Variants in IL17D observed in about 807,000 individuals in gnomAD.
The protein encoded by IL17D is interleukin-17D.
In IL17D, 10 loss-of-function variants were observed where a neutral mutation model predicts 5.7. The observed-to-expected ratio is 1.75, with a 90% CI of 1.08 to 2.97. The LOEUF is 2.97. Among genes scored for constraint, IL17D ranks in the 30% most tolerant of loss-of-function variants. The pLI is 0.00. For missense variants in IL17D, 354 were observed against 292.7 expected (o/e 1.21, Z -1.53); for synonymous variants, 172 against 141.7 (o/e 1.21, Z -1.52).
At chr13:20,706,502 C>G (rs1446846749) in intron 1 of IL17D, among the ~76,000 whole-genome samples, 1 of 152,252 alleles carries the variant, frequency 6.6e-6, no homozygotes, top group Non-Finnish European at 1.5e-5. Context: ...AAAGGCATGT[C>G]TCTCATGTTT....
At chr13:20,712,472 C>T (rs2058646605) in intron 1 of IL17D, 1 of 152,270 alleles carries the variant, frequency 6.6e-6, no homozygotes, top group Admixed American at 6.5e-5. Context: ...ACCTGTAATC[C>T]CAGCTACTCA....
chr13:20,717,172 C>A (rs1388957820), intron 1 of IL17D: 2 of 152,280 alleles, frequency 1.3e-5, no homozygotes, highest in Non-Finnish European at 2.9e-5. Context: ...CCACCTGTCA[C>A]TCGCTCAAGC....
At position 20,722,366 on chromosome 13, in the gene IL17D, A is replaced by G. The variant is rs1054530709; in HGVS notation, c.*412A>G. On this transcript the variant is annotated 3_prime_UTR_variant, in exon 2 of 2. Transcript: ENST00000682841. ...AAGCAATCTAAAAATAATAATAAGT[A>G]TAGCGACTATATACCTACTTTTAAA... The G allele has an allele frequency of 1.2e-5, 2 of 172,206 alleles. No homozygotes were observed. Among genetic ancestry groups the G allele is most frequent in the African/African-American group, 4.7e-5 (2 of 42,130 alleles). The allele number at this position is 172,206 out of a possible 1,614,324, so 10.7% of individuals were successfully genotyped here.
chr13:20,718,748 C>T (rs1595002432), intron 1 of IL17D, among the ~76,000 whole-genome samples: 1 of 126,936 alleles, frequency 7.9e-6, no homozygotes, highest in Non-Finnish European at 1.6e-5. Flanking sequence ...TCACACACAC[C>T]TGCCTGTGCT....
upstream of IL17D, chr13:20,702,589 TG>T (rs1460975531): frequency 6.6e-6 from 1 of 152,280 alleles, no homozygotes; most frequent in Non-Finnish European, 1.5e-5. Context: ...TCTTGTGTTA[TG>T]AAGTATATAA....
chr13:20,716,040 C>A lies in IL17D; in HGVS notation c.291-5596C>A. Reference sequence around the variant, plus strand: ...ATGAGCCACCGCGCCCGGCCAGAATCGACACTTTTAACAGGAGTCCCATAT... The same window carrying A: ...ATGAGCCACCGCGCCCGGCCAGAATAGACACTTTTAACAGGAGTCCCATAT... On this transcript the variant is annotated intron_variant, in intron 1 of 1. Coordinates refer to ENST00000682841, the MANE Select transcript of IL17D (RefSeq NM_001385224.1). The surrounding 1 kb of genome is among the most constrained non-coding windows in gnomAD (Gnocchi z 4.2). 1 of 979,336 alleles carries A rather than the reference C, an allele frequency of 1.0e-6. No individual in the cohort carries two copies. Among genetic ancestry groups the A allele is most frequent in the African/African-American group, 1.7e-5 (1 of 57,216 alleles). 60.7% of individuals were successfully genotyped at this position (979,336 alleles called of 1,614,324 possible).
Position 20,704,158 on chromosome 13 carries a change from G to A in IL17D, c.157G>A (p.Ala53Thr), listed in dbSNP as rs904098138. The A allele has an allele frequency of 2.9e-6, 4 of 1,370,428 alleles. No individual in the cohort carries two copies. Among genetic ancestry groups the A allele is most frequent in the African/African-American group, 3.1e-5 (2 of 65,132 alleles). 84.9% of individuals were successfully genotyped at this position (1,370,428 alleles called of 1,614,324 possible). A position where few individuals can be genotyped will look rare whatever the true frequency, so the allele number is the denominator to read the frequency against. Reference protein sequence around the residue: ...YGRLAAGVLSAFHHTLQLGPR... With the variant: ...YGRLAAGVLSTFHHTLQLGPR... ...GCGCCTGGCGGCCGGCGTGCTCAGT[G>A]CCTTCCACCACACGCTGCAGCTGGG... is the stretch of plus-strand genomic sequence containing the variant. Residue 53 changes from alanine (A) to threonine (T), a missense_variant, in exon 1 of 2, where the codon GCC (alanine) becomes ACC (threonine). By Grantham distance (58) the Ala-to-Thr change is moderately conservative. Transcript: ENST00000682841.
At chr13:20,705,743 G>A (rs2058587237) in intron 1 of IL17D, among the ~76,000 whole-genome samples, 1 of 152,146 alleles carries the variant, frequency 6.6e-6, no homozygotes, top group Non-Finnish European at 1.5e-5. Flanking sequence ...TTGAGATGGA[G>A]GAAGCCATAC....
chr13:20,719,615 C>T (rs761679771), intron 1 of IL17D, among the ~76,000 whole-genome samples: 1 of 152,230 alleles, frequency 6.6e-6, no homozygotes, highest in Non-Finnish European at 1.5e-5. Flanking sequence ...GAAATTAGGA[C>T]GAGTTCCCAT....
Position 20,704,023 on chromosome 13 carries a change from C to T in IL17D, c.22C>T (p.Leu8=). The T allele has an allele frequency of 1.9e-6, 2 of 1,029,260 alleles. No homozygotes were observed. Among genetic ancestry groups the T allele is most frequent in the Non-Finnish European group, 2.3e-6 (2 of 862,098 alleles). 63.8% of individuals were successfully genotyped at this position (1,029,260 alleles called of 1,614,324 possible). MLVAGFL[L]ALPPSWAAGA... ...CTGGATGCTGGTAGCCGGCTTCCTG[C>T]TGGCGCTGCCGCCGAGCTGGGCCGC... is the stretch of plus-strand genomic sequence containing the variant. The change falls in exon 1 of 2, where the codon CTG becomes TTG. Residue 8 remains leucine (L), a synonymous_variant. Coordinates refer to ENST00000682841, the MANE Select transcript of IL17D (RefSeq NM_001385224.1).
rs6783 is a variant in IL17D at position 20,722,911 on chromosome 13, T to G, written c.*957T>G. The G allele has an allele frequency of 2.6e-5, 4 of 151,960 alleles. No individual in the cohort carries two copies. Among genetic ancestry groups the G allele is most frequent in the South Asian group, 2.1e-4 (1 of 4,826 alleles). The allele number at this position is 151,960 out of a possible 1,614,324, so 9.4% of individuals were successfully genotyped here. On this transcript the variant is annotated 3_prime_UTR_variant, in exon 2 of 2. Transcript: ENST00000682841. ...AGTTGTAAGGGCTTTAGGATCAGGC[T>G]GAATATGAGGACAAAGTGGGCCACG...
rs780791683 is a variant in IL17D at position 20,722,768 on chromosome 13, A to T, written c.*814A>T. On this transcript the variant is annotated 3_prime_UTR_variant, in exon 2 of 2. Transcript: ENST00000682841. Reference sequence around the variant, plus strand: ...TACATAAACAGTCTCAAACTCGCACAATTTTTTCCCCCTTTTGAAAGCCAC... The same window carrying T: ...TACATAAACAGTCTCAAACTCGCACTATTTTTTCCCCCTTTTGAAAGCCAC... 1.3e-5 allele frequency: 2 copies of T among 152,168 alleles called. No individual in the cohort carries two copies. The highest frequency in any genetic ancestry group is 2.9e-5 in the Non-Finnish European group (2 of 68,036). 9.4% of individuals were successfully genotyped at this position (152,168 alleles called of 1,614,324 possible). A position where few individuals can be genotyped will look rare whatever the true frequency, so the allele number is the denominator to read the frequency against.
At chr13:20,704,562 C>T (rs1174378646) in intron 1 of IL17D, among the ~76,000 whole-genome samples, 1 of 144,740 alleles carries the variant, frequency 6.9e-6, no homozygotes, top group Non-Finnish European at 1.5e-5. Flanking sequence ...TGGGGCGGGG[C>T]AGTTGGAGCA....
At chr13:20,705,963 C>T (rs1203200190) in intron 1 of IL17D, among the ~76,000 whole-genome samples, 1 of 152,208 alleles carries the variant, frequency 6.6e-6, no homozygotes, top group African/African-American at 2.4e-5. Flanking sequence ...TCTGGGCTTT[C>T]CTGGAGCCTC....
chr13:20,710,628 TAAAAAAAAAAAA>T (rs11445353), intron 1 of IL17D, among the ~76,000 whole-genome samples: 2 of 55,266 alleles, frequency 3.6e-5, no homozygotes, highest in South Asian at 1.0e-3. Flanking sequence ...AAACTCTGTC[TAAAAAAAAAAAA>T]AAAAAAAAAA....
rs1042405563 is a variant in IL17D at position 20,705,801 on chromosome 13, A to G, written c.290+1510A>G. Among the ~76,000 whole-genome samples, 3 of 152,216 alleles carry G rather than the reference A, an allele frequency of 2.0e-5. No homozygotes were observed. The South Asian group carries it at 6.2e-4, about 31-fold the overall frequency. On this transcript the variant is annotated intron_variant, in intron 1 of 1. Coordinates refer to ENST00000682841, the MANE Select transcript of IL17D (RefSeq NM_001385224.1). The stretch of plus-strand genomic sequence containing the variant: ...GTCCCAATGGGGCATGGATTGGACA[A>G]TGCTCTCCAGCACTTCCATCCAAAG...
rs1206029897 is a variant in IL17D, at chr13:20,704,194, C to T, written c.193C>T (p.Gln65Ter). ...CACGCTGCAGCTGGGGCCGCGTGAGCAGGCGCGCAACGCGAGCTGCCCGGC... is the reference window on the plus strand; with the variant it reads ...CACGCTGCAGCTGGGGCCGCGTGAGTAGGCGCGCAACGCGAGCTGCCCGGC... ...HHTLQLGPREQARNASCPAGG... is the reference protein window; with the variant it reads ...HHTLQLGPRE Residue 65 changes from glutamine to a stop codon, truncating the protein, a stop_gained, in exon 1 of 2, where the codon CAG becomes TAG. Transcript: ENST00000682841. LOFTEE classifies it high-confidence loss of function. 1.2e-5 allele frequency: 17 copies of T among 1,372,302 alleles called. No individual in the cohort carries two copies. Among genetic ancestry groups the T allele is most frequent in the Non-Finnish European group, 1.5e-5 (16 of 1,057,236 alleles). 85.0% of individuals were successfully genotyped at this position (1,372,302 alleles called of 1,614,324 possible). A position where few individuals can be genotyped will look rare whatever the true frequency, so the allele number is the denominator to read the frequency against.
intron 1 of IL17D, among the ~76,000 whole-genome samples, chr13:20,707,583 C>T (rs41359249): frequency 0.015 from 2,267 of 152,084 alleles, 57 homozygotes; most frequent in African/African-American, 0.051. Context: ...AGTGCAGTGA[C>T]ACAGACAGAT....
At position 20,716,040 on chromosome 13, in the gene IL17D, C is replaced by T. The variant is rs933470957; in HGVS notation, c.291-5596C>T. ...ATGAGCCACCGCGCCCGGCCAGAAT[C>T]GACACTTTTAACAGGAGTCCCATAT... On this transcript the variant is annotated intron_variant, in intron 1 of 1. Coordinates refer to ENST00000682841, the MANE Select transcript of IL17D (RefSeq NM_001385224.1). This position sits in a 1 kb window ranked among gnomAD's most constrained non-coding sequence, Gnocchi z 4.2. 4.1e-6 allele frequency: 4 copies of T among 979,338 alleles called. No individual in the cohort carries two copies. Among genetic ancestry groups the T allele is most frequent in the Non-Finnish European group, 3.6e-6 (3 of 824,360 alleles). The allele number at this position is 979,338 out of a possible 1,614,324, so 60.7% of individuals were successfully genotyped here.
Sources: allele counts gnomAD v4.1 joint callset (sites outside exome capture counted in the v4.1 genomes callset), GRCh38; gene constraint gnomAD v4.1.1; non-coding constraint Gnocchi (gnomAD v3.1); transcripts MANE v1.5; gene names NCBI Gene and HGNC (gene_info 2026-07-23, HGNC 2026-07-21).